Variants in P4HA3 observed in about 807,000 individuals in gnomAD.
P4HA3 encodes the protein prolyl 4-hydroxylase subunit alpha-3.
P4HA3 carries 60 observed loss-of-function variants against 66.7 expected under a neutral mutation model. The ratio of observed to expected loss-of-function variants is 0.90; its 90% CI spans 0.73 to 1.12. The LOEUF (loss-of-function observed/expected upper bound fraction) is 1.12. P4HA3 is among the 50% of genes most tolerant of loss of function. The pLI is 0.00. For synonymous variants in P4HA3, 263 were observed against 274.6 expected (o/e 0.96, Z 0.42); for missense variants, 683 against 685.8 (o/e 1.00, Z 0.05).
intron 2 of P4HA3, among the ~76,000 whole-genome samples, chr11:74,303,539 C>T (rs922805901): frequency 1.3e-5 from 2 of 151,510 alleles, no homozygotes; most frequent in African/African-American, 4.9e-5. Flanking sequence ...TCCCAAAGTG[C>T]TGGGATTACA....
intron 6 of P4HA3, 121 bp downstream of exon 6, chr11:74,286,107 C>T: frequency 6.8e-7 from 1 of 1,478,084 alleles, no homozygotes; most frequent in South Asian, 1.3e-5. Flanking sequence ...CACTCTGATG[C>T]TGCCCAAGTG....
chr11:74,284,425 T>C (rs934128622), intron 7 of P4HA3, among the ~76,000 whole-genome samples: 2 of 152,188 alleles, frequency 1.3e-5, no homozygotes, highest in Non-Finnish European at 2.9e-5. Context: ...TCCTCTTCCA[T>C]GAGACTGGCA....
chr11:74,295,360 C>T (rs957296404), intron 4 of P4HA3, among the ~76,000 whole-genome samples: 1 of 152,100 alleles, frequency 6.6e-6, no homozygotes, highest in Non-Finnish European at 1.5e-5. Context: ...TAGGGCTTTC[C>T]AGACAAATCT....
intron 10 of P4HA3, among the ~76,000 whole-genome samples, chr11:74,272,936 C>T (rs1300249837): frequency 6.6e-6 from 1 of 152,054 alleles, no homozygotes; most frequent in Non-Finnish European, 1.5e-5. Context: ...AGACTGGGGC[C>T]GAATCCTGAT....
At position 74,269,605 on chromosome 11, in the gene P4HA3, C is replaced by T. The variant is rs778359782; in HGVS notation, c.1467+47G>A. 2.6e-5 allele frequency: 41 copies of T among 1,577,438 alleles called. 1 individual carries two copies. The Admixed American group carries it at 6.4e-4, about 24-fold the overall frequency. On this transcript the variant is annotated intron_variant, in intron 11 of 12. Transcript: ENST00000331597. ...GACAGCGTGAAGGTTAGAGGGTAAGCGCTGCACTCCCTCAACCCCGTCTTC... is the reference window on the plus strand; with the variant it reads ...GACAGCGTGAAGGTTAGAGGGTAAGTGCTGCACTCCCTCAACCCCGTCTTC...
Position 74,277,014 on chromosome 11 carries a change from G to T in P4HA3, c.1306C>A (p.His436Asn). 1 of 1,614,012 alleles carries T rather than the reference G, an allele frequency of 6.2e-7. No individual in the cohort carries two copies. The highest frequency in any genetic ancestry group is 8.5e-7 in the Non-Finnish European group (1 of 1,179,956). The change falls in exon 9 of 13, where the codon CAC becomes AAC. Residue 436 changes from histidine to asparagine, a missense_variant. By Grantham distance (68) the His-to-Asn change is moderately conservative (BLOSUM62 1). Coordinates refer to ENST00000331597, the MANE Select transcript of P4HA3 (RefSeq NM_182904.5). ...LQVVNYGIGG[H>N]YEPHFDHATS... is the part of the protein sequence containing the mutation. ...GCATGGTCAAAGTGAGGCTCATAGT[G>T]TCCTCCGATGCCATAGTTCACCACC...
intron 15 of P4HA3, among the ~76,000 whole-genome samples, chr11:74,255,259 C>T (rs922248234): frequency 6.6e-6 from 1 of 152,184 alleles, no homozygotes; most frequent in Non-Finnish European, 1.5e-5. Context: ...ACTTCTCTTA[C>T]ACCCACCTCA....
chr11:74,272,485 T>C (rs1860239486), intron 10 of P4HA3, among the ~76,000 whole-genome samples: 1 of 152,198 alleles, frequency 6.6e-6, no homozygotes, highest in Non-Finnish European at 1.5e-5. Context: ...ATGTGTCCCC[T>C]GCCTGATAGC....
chr11:74,285,975 T>C lies in P4HA3; in HGVS notation c.944A>G (p.Tyr315Cys), dbSNP rs1164314981. The change falls in exon 7 of 13, where the codon TAC (tyrosine) becomes TGC (cysteine). Residue 315 changes from tyrosine (Y) to cysteine (C), a missense_variant. By Grantham distance (194) the Tyr-to-Cys change is radical. Transcript: ENST00000331597. ...CQTLGSQPTL[Y>C]QIPSLYCSYE... ...GGAACAGTAGAGGCTAGGGATCTGGTAGAGAGTGGGCTGGAAGGAAAGAAT... is the reference window on the plus strand; with the variant it reads ...GGAACAGTAGAGGCTAGGGATCTGGCAGAGAGTGGGCTGGAAGGAAAGAAT... The C allele has an allele frequency of 1.9e-6, 3 of 1,607,154 alleles. No homozygotes were observed. Among genetic ancestry groups the C allele is most frequent in the Non-Finnish European group, 2.6e-6 (3 of 1,174,030 alleles).
At chr11:74,309,017 T>G (rs1355808967) in intron 1 of P4HA3, among the ~76,000 whole-genome samples, 2 of 152,198 alleles carry the variant, frequency 1.3e-5, no homozygotes. Flanking sequence ...TTAACCACCA[T>G]GTACTGTGGC....
intron 9 of P4HA3, among the ~76,000 whole-genome samples, chr11:74,276,132 A>G (rs1480515128): frequency 6.6e-6 from 1 of 152,248 alleles, no homozygotes; most frequent in East Asian, 1.9e-4. Flanking sequence ...TGGAGGTAAC[A>G]AACACTGGAA....
chr11:74,265,573 C>T (rs1193371498), downstream of P4HA3, among the ~76,000 whole-genome samples: 1 of 152,178 alleles, frequency 6.6e-6, no homozygotes, highest in Non-Finnish European at 1.5e-5. Flanking sequence ...GCACAAGTGC[C>T]CAAATATCAC....
At chr11:74,257,127 A>AT (rs1206596838) in intron 15 of P4HA3, among the ~76,000 whole-genome samples, 1 of 151,892 alleles carries the variant, frequency 6.6e-6, no homozygotes, top group Non-Finnish European at 1.5e-5. Flanking sequence ...AAGAGGTAGC[A>AT]TTTTTTCTTT....
intron 15 of P4HA3, chr11:74,251,780 T>G: frequency 6.3e-7 from 1 of 1,584,056 alleles, no homozygotes. Flanking sequence ...CAGACACTTG[T>G]AGGACTGTAA....
Position 74,311,404 on chromosome 11 carries a change from G to T in P4HA3, c.200+8C>A. On this transcript the variant is annotated splice_region_variant and intron_variant, in intron 1 of 12. Transcript: ENST00000331597. Reference sequence around the variant, plus strand: ...CCCCTCGGTCGCTCCCACTCGTCGTGCCCTCACCTAGTCAGGTCCCGCAGC... The same window carrying T: ...CCCCTCGGTCGCTCCCACTCGTCGTTCCCTCACCTAGTCAGGTCCCGCAGC... 1 of 1,503,374 alleles carries T rather than the reference G, an allele frequency of 6.7e-7. No individual in the cohort carries two copies. The allele number at this position is 1,503,374 out of a possible 1,614,324, so 93.1% of individuals were successfully genotyped here.
chr11:74,307,543 C>T (rs902800857), intron 1 of P4HA3, among the ~76,000 whole-genome samples: 1 of 152,168 alleles, frequency 6.6e-6, no homozygotes, highest in African/African-American at 2.4e-5. Context: ...GAAAAAAAAT[C>T]TCTCAACTGA....
downstream of P4HA3, among the ~76,000 whole-genome samples, chr11:74,263,784 C>T (rs1254420560): frequency 1.3e-5 from 2 of 152,136 alleles, no homozygotes; most frequent in Non-Finnish European, 2.9e-5. Context: ...CCAGAAACCC[C>T]GGTTGGACAA....
At chr11:74,265,868 C>T (rs894625466), downstream of P4HA3, among the ~76,000 whole-genome samples, 1 of 152,140 alleles carries the variant, frequency 6.6e-6, no homozygotes, top group African/African-American at 2.4e-5. Context: ...ACAGCACAGC[C>T]CCAAAGCACT....
intron 4 of P4HA3, among the ~76,000 whole-genome samples, chr11:74,292,523 T>C (rs1406989931): frequency 1.3e-5 from 2 of 152,210 alleles, no homozygotes; most frequent in East Asian, 3.8e-4. Flanking sequence ...CTCTAGTTCT[T>C]TTAATTGTGA....
Sources: gnomAD v4.1 joint callset for allele counts (sites outside exome capture counted in the v4.1 genomes callset) on GRCh38, gnomAD v4.1.1 for gene constraint, MANE v1.5 for transcripts, NCBI Gene and HGNC (gene_info 2026-07-23, HGNC 2026-07-21) for gene names.